The following UQCC1 variants were observed in gnomAD, a reference collection of about 807,000 sequenced individuals.
UQCC1 encodes bFGF-repressed Zic-binding protein.
Under a neutral mutation model 48.0 loss-of-function variants are expected in UQCC1, and 38 were observed. The observed-to-expected ratio is 0.79, with a 90% CI of 0.61 to 1.04. UQCC1 has a LOEUF of 1.04. Among genes scored for constraint, UQCC1 ranks in the 50% least tolerant of loss-of-function variants. UQCC1 has a pLI of 0.00. For synonymous variants in UQCC1, 111 were observed against 129.2 expected (o/e 0.86, Z 0.95); for missense variants, 368 against 381.8 (o/e 0.96, Z 0.30).
chr20:35,386,484 G>T, intron 2 of UQCC1: 1 of 399,980 alleles, frequency 2.5e-6, no homozygotes, highest in Admixed American at 3.1e-5. Flanking sequence ...GGATTCTTCT[G>T]GTCAGTCCCA....
intron 8 of UQCC1, among the ~76,000 whole-genome samples, chr20:35,308,916 A>G (rs1168511908): frequency 6.6e-6 from 1 of 152,150 alleles, no homozygotes; most frequent in Non-Finnish European, 1.5e-5. Flanking sequence ...GGGTTTCACC[A>G]TGTTGGCCAG....
Position 35,347,012 on chromosome 20 carries a change from GC to G in UQCC1, c.573+151del, listed in dbSNP as rs2061438472. 3 of 1,569,448 alleles carry G rather than the reference GC, an allele frequency of 1.9e-6. No individual in the cohort carries two copies. The Admixed American group carries it at 5.7e-5, about 30-fold the overall frequency. ...CTGTGGAGTATTAGTTTCCACAGAG[GC>G]AGAAAAAGTGACTTTAGCGGAACTG... On this transcript the variant is annotated intron_variant, in intron 7 of 9. Transcript: ENST00000374385.
chr20:35,381,506 C>A (rs2061867532), intron 4 of UQCC1, among the ~76,000 whole-genome samples: 1 of 152,112 alleles, frequency 6.6e-6, no homozygotes, highest in African/African-American at 2.4e-5. Flanking sequence ...CTGGAAGCAG[C>A]AAGAGGTTGT....
At position 35,408,842 on chromosome 20, in the gene UQCC1, G is replaced by A. The variant is rs146554210; in HGVS notation, c.24+3098C>T. Among the ~76,000 whole-genome samples, 22 of 151,300 alleles carry A rather than the reference G, an allele frequency of 1.5e-4. No homozygotes were observed. The East Asian group carries it at 3.9e-3, about 27-fold the overall frequency. On this transcript the variant is annotated intron_variant, in intron 1 of 9. Coordinates refer to ENST00000374385, the MANE Select transcript of UQCC1 (RefSeq NM_018244.5). ...TACACTTCAGCACGCATGACAGAGC[G>A]AGACCCTATCTCCAAAAAAAAAAAA...
intron 7 of UQCC1, among the ~76,000 whole-genome samples, chr20:35,325,242 T>G (rs2061179353): frequency 6.6e-6 from 1 of 152,206 alleles, no homozygotes; most frequent in Non-Finnish European, 1.5e-5. Flanking sequence ...TTGGGGATAA[T>G]GAAAATGTTT....
Position 35,384,062 on chromosome 20 carries a change from A to G in UQCC1, c.201T>C (p.Asn67=), listed in dbSNP as rs2061908528. The stretch of plus-strand genomic sequence containing the variant: ...CCTTACGTGTGGTGTGATACTTCCT[A>G]TTCAGCTGTATGTCTATTCCAGGAA... ...EQIPGIDIQL[N]RKYHTTRKLS... Residue 67 remains asparagine, a synonymous_variant, in exon 3 of 10, where the codon AAT becomes AAC. Coordinates refer to ENST00000374385, the MANE Select transcript of UQCC1 (RefSeq NM_018244.5). The G allele has an allele frequency of 6.2e-7, 1 of 1,612,608 alleles. No individual in the cohort carries two copies. Among genetic ancestry groups the G allele is most frequent in the African/African-American group, 1.3e-5 (1 of 74,902 alleles).
intron 2 of UQCC1, among the ~76,000 whole-genome samples, chr20:35,389,219 T>C (rs1026352758): frequency 9.9e-5 from 15 of 152,138 alleles, no homozygotes; most frequent in Non-Finnish European, 1.6e-4. Context: ...GGGGGGCATG[T>C]AGAAAGGCGT....
chr20:35,382,676 A>AT (rs1399448858), intron 3 of UQCC1, among the ~76,000 whole-genome samples: 1 of 150,942 alleles, frequency 6.6e-6, no homozygotes, highest in Non-Finnish European at 1.5e-5. Context: ...CGCCCGGCTA[A>AT]TTTTTTTGTA....
intron 8 of UQCC1, among the ~76,000 whole-genome samples, chr20:35,311,542 G>T (rs1254161267): frequency 6.6e-6 from 1 of 152,176 alleles, no homozygotes; most frequent in Non-Finnish European, 1.5e-5. Context: ...AGCACCTTGT[G>T]ACTCCAAGTG....
In UQCC1 at chr20:35,394,206, G is replaced by A; in HGVS notation, c.25-10C>T. 1 of 1,607,530 alleles carries A rather than the reference G, an allele frequency of 6.2e-7. No homozygotes were observed. Among genetic ancestry groups the A allele is most frequent in the Non-Finnish European group, 8.5e-7 (1 of 1,174,354 alleles). On this transcript the variant is annotated splice_polypyrimidine_tract_variant and intron_variant, in intron 1 of 9. Transcript: ENST00000374385. ...TGCTAGTCTGGTTCCTCTAAAGAAAGAAAATAATAATCTGTCAGGAATCTA... is the reference window on the plus strand; with the variant it reads ...TGCTAGTCTGGTTCCTCTAAAGAAAAAAAATAATAATCTGTCAGGAATCTA...
At chr20:35,342,777 T>C (rs2061395032) in intron 7 of UQCC1, among the ~76,000 whole-genome samples, 1 of 152,254 alleles carries the variant, frequency 6.6e-6, no homozygotes, top group South Asian at 2.1e-4. Context: ...AGCTAATTTA[T>C]AAGTTTAAAT....
intron 7 of UQCC1, among the ~76,000 whole-genome samples, chr20:35,317,733 A>C (rs2061077759): frequency 6.6e-6 from 1 of 152,236 alleles, no homozygotes; most frequent in Non-Finnish European, 1.5e-5. Flanking sequence ...GCAGGGGCTA[A>C]GACAGGCTTG....
chr20:35,396,135 C>A (rs1325194703), intron 1 of UQCC1, among the ~76,000 whole-genome samples: 2 of 151,570 alleles, frequency 1.3e-5, no homozygotes, highest in Non-Finnish European at 2.9e-5. Flanking sequence ...CAGGCATGAG[C>A]CACCACATAG....
At chr20:35,411,661 A>C (rs907737762) in intron 1 of UQCC1, among the ~76,000 whole-genome samples, 1 of 152,066 alleles carries the variant, frequency 6.6e-6, no homozygotes, top group Non-Finnish European at 1.5e-5. Flanking sequence ...CCTCTCCCTG[A>C]GGGGAAGCAG....
chr20:35,325,329 T>G (rs1386522917), intron 7 of UQCC1, among the ~76,000 whole-genome samples: 1 of 152,242 alleles, frequency 6.6e-6, no homozygotes. Context: ...TTATGAATGG[T>G]TAAAATGATA....
At chr20:35,357,096 C>G (rs562481845) in intron 6 of UQCC1, among the ~76,000 whole-genome samples, 1 of 152,322 alleles carries the variant, frequency 6.6e-6, no homozygotes, top group Admixed American at 6.5e-5. Context: ...TAAAAGAAAA[C>G]TAAATAGGCC....
chr20:35,347,181 G>A lies in UQCC1; in HGVS notation c.556C>T (p.Arg186Cys), dbSNP rs763993619. 5.6e-6 allele frequency: 9 copies of A among 1,614,018 alleles called. No individual in the cohort carries two copies. Among genetic ancestry groups the A allele is most frequent in the African/African-American group, 4.0e-5 (3 of 74,912 alleles). Residue 186 changes from arginine to cysteine, a missense_variant, in exon 7 of 10, where the codon CGC (arginine) becomes TGC (cysteine). Transcript: ENST00000374385. The stretch of plus-strand genomic sequence containing the variant: ...TCACTTACCCCCATGACTCTGCCGC[G>A]CTGCTGAACATCCTCCCACATAAAA... ...VHFMWEDVQQ[R>C]GRVMGVNPYI...
intron 8 of UQCC1, 91 bp downstream of exon 8, chr20:35,314,597 A>G (rs1160241318): frequency 9.6e-7 from 1 of 1,040,672 alleles, no homozygotes; most frequent in Non-Finnish European, 1.4e-6. Context: ...GCCAGTAACA[A>G]TGGTCCCTGT....
chr20:35,304,958 C>A (rs1004568317), intron 9 of UQCC1, among the ~76,000 whole-genome samples: 1 of 152,208 alleles, frequency 6.6e-6, no homozygotes, highest in African/African-American at 2.4e-5. Context: ...CCATTTCTGC[C>A]CCCAGTGCCA....
Sources: gnomAD v4.1 joint callset for allele counts (sites outside exome capture counted in the v4.1 genomes callset) on GRCh38, gnomAD v4.1.1 for gene constraint, MANE v1.5 for transcripts, NCBI Gene and HGNC (gene_info 2026-07-23, HGNC 2026-07-21) for gene names.